SAMTOR: variants seen among roughly 807,000 people sequenced by gnomAD.
SAMTOR encodes the protein UPF0532 protein C7orf60.
chr7:112,873,937 C>A, the SAMTOR span, among the ~76,000 whole-genome samples: 24 of 152,024 alleles, frequency 1.6e-4, no homozygotes, highest in African/African-American at 5.5e-4. Context: ...CTGTGGCTAA[C>A]AAACGTTGAA....
At chr7:112,906,854 G>A in the SAMTOR span, among the ~76,000 whole-genome samples, 2 of 152,180 alleles carry the variant, frequency 1.3e-5, no homozygotes, top group Admixed American at 1.3e-4. Flanking sequence ...ATAGGCATGA[G>A]CCACCATGCC....
chr7:112,928,145 A>C, the SAMTOR span, among the ~76,000 whole-genome samples: 3 of 152,056 alleles, frequency 2.0e-5, no homozygotes, highest in African/African-American at 7.2e-5. Context: ...CTTTGTAAAA[A>C]AACAAGTACA....
At chr7:112,877,151 T>C in the SAMTOR span, among the ~76,000 whole-genome samples, 1 of 152,204 alleles carries the variant, frequency 6.6e-6, no homozygotes, top group Non-Finnish European at 1.5e-5. Flanking sequence ...TAACAGCACA[T>C]GCTTGCTGAA....
the SAMTOR span, among the ~76,000 whole-genome samples, chr7:112,827,363 TCTTC>T: frequency 1.1e-4 from 16 of 152,196 alleles, no homozygotes; most frequent in Admixed American, 9.2e-4. Flanking sequence ...TCCCTTCCCC[TCTTC>T]CTTCATCTTT....
chr7:112,929,814 C>T, the SAMTOR span, among the ~76,000 whole-genome samples: 1 of 151,958 alleles, frequency 6.6e-6, no homozygotes, highest in Admixed American at 6.5e-5. Context: ...TACAGAGATG[C>T]ATGCATTGTC....
the SAMTOR span, among the ~76,000 whole-genome samples, chr7:112,930,894 T>TA: frequency 4.5e-4 from 69 of 152,350 alleles, no homozygotes; most frequent in African/African-American, 1.3e-3. Context: ...GTCATGCTCC[T>TA]AACCACAAAC....
At chr7:112,826,434 C>T in the SAMTOR span, among the ~76,000 whole-genome samples, 9 of 152,074 alleles carry the variant, frequency 5.9e-5, no homozygotes, top group South Asian at 1.2e-3. Flanking sequence ...TTTGAATTGT[C>T]GAATTTATTG....
At chr7:112,938,209 T>C in the SAMTOR span, among the ~76,000 whole-genome samples, 1 of 152,192 alleles carries the variant, frequency 6.6e-6, no homozygotes, top group Non-Finnish European at 1.5e-5. Flanking sequence ...ACTCATTTTA[T>C]TGACTAAATT....
the SAMTOR span, among the ~76,000 whole-genome samples, chr7:112,909,435 T>C: frequency 6.6e-6 from 1 of 152,144 alleles, no homozygotes; most frequent in Non-Finnish European, 1.5e-5. Flanking sequence ...TTTTATATTC[T>C]CCAAAATTAA....
the SAMTOR span, among the ~76,000 whole-genome samples, chr7:112,855,921 CT>C: frequency 6.6e-6 from 1 of 151,250 alleles, no homozygotes; most frequent in African/African-American, 2.4e-5. Flanking sequence ...AAAAAAAAAA[CT>C]TTTACTTTCT....
chr7:112,880,318 T>TC, the SAMTOR span, among the ~76,000 whole-genome samples: 1 of 151,842 alleles, frequency 6.6e-6, no homozygotes, highest in East Asian at 1.9e-4. Context: ...ACATAGTAAT[T>TC]CCCCCCAAAA....
At chr7:112,822,060 C>T in the SAMTOR span, 1 of 1,613,632 alleles carries the variant, frequency 6.2e-7, no homozygotes. Context: ...GCGTTTAAAG[C>T]CCAGGGACTC....
chr7:112,893,147 T>G, the SAMTOR span, among the ~76,000 whole-genome samples: 1 of 152,202 alleles, frequency 6.6e-6, no homozygotes, highest in Non-Finnish European at 1.5e-5. Context: ...ACCAGCTGCA[T>G]TAGCCCCTAA....
chr7:112,832,009 T>C, the SAMTOR span, among the ~76,000 whole-genome samples: 1 of 150,854 alleles, frequency 6.6e-6, no homozygotes, highest in Admixed American at 6.6e-5. Context: ...TCTACTGAAG[T>C]TTCTTTTTTT....
the SAMTOR span, among the ~76,000 whole-genome samples, chr7:112,843,637 G>T: frequency 3.3e-5 from 5 of 151,856 alleles, no homozygotes; most frequent in East Asian, 1.9e-4. Flanking sequence ...CTCTACAGTT[G>T]AATCAGTAAT....
chr7:112,895,624 GAGA>G, the SAMTOR span: 18 of 1,584,916 alleles, frequency 1.1e-5, 1 homozygote, highest in South Asian at 1.9e-4. Flanking sequence ...CCTTCAAGTT[GAGA>G]AGACTCATGC....
the SAMTOR span, among the ~76,000 whole-genome samples, chr7:112,933,240 T>C: frequency 6.6e-6 from 1 of 152,234 alleles, no homozygotes; most frequent in Non-Finnish European, 1.5e-5. Flanking sequence ...CTCCACTTAA[T>C]CGTCAAATGT....
At chr7:112,906,573 CTT>C in the SAMTOR span, among the ~76,000 whole-genome samples, 3 of 144,524 alleles carry the variant, frequency 2.1e-5, no homozygotes, top group Non-Finnish European at 3.0e-5. Context: ...AAAGACATAT[CTT>C]TTTTTTTTTT....
the SAMTOR span, among the ~76,000 whole-genome samples, chr7:112,873,634 T>G: frequency 1.1e-4 from 17 of 152,200 alleles, no homozygotes; most frequent in African/African-American, 4.1e-4. Context: ...TAGGAAACAC[T>G]GTAGTGGACA....
Sources: allele counts gnomAD v4.1 joint callset (sites outside exome capture counted in the v4.1 genomes callset), GRCh38; gene constraint gnomAD v4.1.1; transcripts MANE v1.5; gene names NCBI Gene and HGNC (gene_info 2026-07-23, HGNC 2026-07-21).